The following SHOC1 variants were observed in gnomAD, a reference collection of about 807,000 sequenced individuals.
SHOC1 encodes protein shortage in chiasmata 1 ortholog.
A neutral mutation model predicts 179.2 loss-of-function variants in SHOC1; 136 were observed. The observed-to-expected ratio is 0.76, with a 90% CI of 0.66 to 0.87. The LOEUF (loss-of-function observed/expected upper bound fraction) is 0.87, where lower values mean the gene tolerates loss of function less well. Among genes scored for constraint, SHOC1 ranks in the 40% least tolerant of loss-of-function variants. The pLI, the probability that SHOC1 is intolerant of heterozygous loss-of-function variation, is 0.00. For synonymous variants in SHOC1, 489 were observed against 586.6 expected, an observed-to-expected ratio of 0.83 and a Z score of 2.41; for missense variants, 1,538 against 1,700.8, an observed-to-expected ratio of 0.90 and a Z score of 1.68.
chr9:111,714,308 C>A, intron 17 of SHOC1, 137 bp downstream of exon 17: 1 of 732,476 alleles, frequency 1.4e-6, no homozygotes, highest in Non-Finnish European at 2.2e-6. Flanking sequence ...GTTCTGTTAC[C>A]TTATTCAAGG....
chr9:111,687,503 A>G (rs1831229197), intron 27 of SHOC1, among the ~76,000 whole-genome samples: 1 of 152,212 alleles, frequency 6.6e-6, no homozygotes, highest in Admixed American at 6.5e-5. Context: ...AAAAGTTATA[A>G]TTCATAATCT....
In SHOC1 at chr9:111,777,538, G is replaced by A. The variant is rs545695986; in HGVS notation, c.258-1563C>T. On this transcript the variant is annotated intron_variant, in intron 4 of 27. Coordinates refer to ENST00000682961, the MANE Select transcript of SHOC1 (RefSeq NM_001378211.1). ...TAATTTCCTCAGTTACAATTTTTGCGAAGGCGGTTTCAACTTCCTACTGTT... is the reference window on the plus strand; with the variant it reads ...TAATTTCCTCAGTTACAATTTTTGCAAAGGCGGTTTCAACTTCCTACTGTT... Among the ~76,000 whole-genome samples the A allele has an allele frequency of 3.9e-5, 6 of 152,256 alleles. No individual in the cohort carries two copies. The East Asian group carries it at 9.6e-4, about 24-fold the overall frequency.
At chr9:111,722,271 T>C in intron 15 of SHOC1, 138 bp downstream of exon 15, 2 of 697,172 alleles carry the variant, frequency 2.9e-6, no homozygotes, top group Non-Finnish European at 4.5e-6. Flanking sequence ...TTGGTTTGGC[T>C]GGGTATCACA....
chr9:111,705,298 GC>G lies in SHOC1; in HGVS notation c.2803del (p.Ala935HisfsTer15). On this transcript the variant is annotated frameshift_variant, in exon 21 of 28. Transcript: ENST00000682961. LOFTEE classifies it high-confidence loss of function. Reference protein sequence around the residue: ...LEIQIPYVFFASEGLLNTPDI... With the variant: ...LEIQIPYVFFXSEGLLNTPDI... ...TGGAGTATTAAGAAGTCCTTCAGAT[GC>G]AAAAAACACATATGGAATCTGAATT... The G allele has an allele frequency of 6.3e-7, 1 of 1,589,938 alleles. No individual in the cohort carries two copies. The highest frequency in any genetic ancestry group is 8.6e-7 in the Non-Finnish European group (1 of 1,168,414).
intron 3 of SHOC1, among the ~76,000 whole-genome samples, chr9:111,784,665 C>G (rs562079875): frequency 3.7e-4 from 57 of 152,162 alleles, no homozygotes; most frequent in Non-Finnish European, 7.1e-4. Context: ...ATAGCTATAA[C>G]AAAAATATCA....
At chr9:111,786,817 C>T (rs916480794) in intron 2 of SHOC1, among the ~76,000 whole-genome samples, 3 of 152,118 alleles carry the variant, frequency 2.0e-5, no homozygotes, top group Non-Finnish European at 2.9e-5. Flanking sequence ...AAGATGCCAA[C>T]GAGGACTTTC....
At chr9:111,727,106 G>A (rs1003346262) in intron 13 of SHOC1, among the ~76,000 whole-genome samples, 4 of 152,036 alleles carry the variant, frequency 2.6e-5, no homozygotes, top group African/African-American at 7.3e-5. Context: ...ATTTTTATGA[G>A]AAGTAAAATG....
intron 13 of SHOC1, among the ~76,000 whole-genome samples, chr9:111,725,755 T>C (rs949040104): frequency 6.6e-6 from 1 of 152,262 alleles, no homozygotes; most frequent in Non-Finnish European, 1.5e-5. Context: ...ATAACATTAA[T>C]GTTCTTTTAA....
chr9:111,716,699 T>G (rs1226067333), intron 16 of SHOC1, among the ~76,000 whole-genome samples: 4 of 152,184 alleles, frequency 2.6e-5, no homozygotes, highest in Non-Finnish European at 5.9e-5. Context: ...CCCATGAATA[T>G]TATTTATTTA....
chr9:111,704,461 T>C (rs111406204), intron 21 of SHOC1, among the ~76,000 whole-genome samples: 3,801 of 152,214 alleles, frequency 0.025, 167 homozygotes, highest in African/African-American at 0.085. Flanking sequence ...TGGCTCACTG[T>C]AGCCTTGAAT....
At chr9:111,786,713 A>G (rs1022262384) in intron 2 of SHOC1, among the ~76,000 whole-genome samples, 2 of 152,002 alleles carry the variant, frequency 1.3e-5, no homozygotes, top group East Asian at 3.9e-4. Context: ...TACCATTGTA[A>G]TTGTTTGGGG....
At chr9:111,728,400 C>G (rs1833407220) in intron 12 of SHOC1, among the ~76,000 whole-genome samples, 1 of 152,046 alleles carries the variant, frequency 6.6e-6, no homozygotes, top group East Asian at 1.9e-4. Context: ...AAAATACTTG[C>G]AATACATATA....
chr9:111,794,605 C>T (rs1181222402), intron 1 of SHOC1, among the ~76,000 whole-genome samples: 4 of 152,052 alleles, frequency 2.6e-5, no homozygotes, highest in Non-Finnish European at 5.9e-5. Flanking sequence ...AAAAACGTAA[C>T]ATGGCAGAGA....
At chr9:111,702,306 T>G in intron 22 of SHOC1, 80 bp from the exon 23 acceptor site, 1 of 954,260 alleles carries the variant, frequency 1.0e-6, no homozygotes, top group Middle Eastern at 3.2e-4. Flanking sequence ...ATTTCAAGAA[T>G]CTATGACATA....
rs113913747 is a variant in SHOC1 at position 111,750,099 on chromosome 9, G to A, written c.863-1900C>T. 4.3e-3 allele frequency among the ~76,000 whole-genome samples: 661 copies of A among 152,158 alleles called. 3 individuals are homozygous for A. The highest frequency in any genetic ancestry group is 0.015 in the African/African-American group (618 of 41,522). On this transcript the variant is annotated intron_variant, in intron 8 of 27. Transcript: ENST00000682961. ...TCTGCTTCTAGGTCTTTGAGGAATC[G>A]CCACACTGTCTTCCACAATGGTTGA...
At position 111,723,864 on chromosome 9, in the gene SHOC1, G is replaced by A. The variant is rs1287657504; in HGVS notation, c.1882C>T (p.His628Tyr). 2.5e-6 allele frequency: 4 copies of A among 1,588,016 alleles called. No individual in the cohort carries two copies. The highest frequency in any genetic ancestry group is 3.5e-6 in the Non-Finnish European group (4 of 1,157,726). Reference protein sequence around the residue: ...LTLQEESPIVHINKTLEEINQ... With the variant: ...LTLQEESPIVYINKTLEEINQ... ...ATTTCCTCCAGGGTTTTATTAATAT[G>A]AACAATAGGACTTTCTTCTTGAAGT... is the stretch of plus-strand genomic sequence containing the variant. The change falls in exon 14 of 28, where the codon CAT becomes TAT. Residue 628 changes from histidine (H) to tyrosine (Y), a missense_variant. Coordinates refer to ENST00000682961, the MANE Select transcript of SHOC1 (RefSeq NM_001378211.1).
intron 24 of SHOC1, among the ~76,000 whole-genome samples, chr9:111,697,480 T>C (rs1308593615): frequency 6.6e-6 from 1 of 152,160 alleles, no homozygotes; most frequent in South Asian, 2.1e-4. Flanking sequence ...CTCAGAATGA[T>C]GGTTTCCAGC....
At chr9:111,718,823 C>T (rs1832914262) in intron 15 of SHOC1, among the ~76,000 whole-genome samples, 2 of 152,088 alleles carry the variant, frequency 1.3e-5, no homozygotes. Flanking sequence ...GCCTTATTGC[C>T]TAATTGTGTT....
At chr9:111,689,020 AAC>A (rs1378026776) in intron 27 of SHOC1, among the ~76,000 whole-genome samples, 1 of 152,158 alleles carries the variant, frequency 6.6e-6, no homozygotes, top group Non-Finnish European at 1.5e-5. Flanking sequence ...AAAATTATAA[AAC>A]AGTTTTAATA....
Sources: allele counts gnomAD v4.1 joint callset (sites outside exome capture counted in the v4.1 genomes callset), GRCh38; gene constraint gnomAD v4.1.1; transcripts MANE v1.5; gene names NCBI Gene and HGNC (gene_info 2026-07-23, HGNC 2026-07-21).